The following SENP7 variants were observed in gnomAD, a reference collection of about 807,000 sequenced individuals.
SENP7 encodes SUMO specific peptidase 7.
SENP7 carries 64 observed loss-of-function variants against 141.2 expected under a neutral mutation model. That is an observed-to-expected ratio of 0.45 (90% CI 0.37 to 0.56). The LOEUF (loss-of-function observed/expected upper bound fraction) is 0.56, where lower values mean the gene tolerates loss of function less well. SENP7 is among the 20% of genes least tolerant of loss of function. The probability of loss-of-function intolerance (pLI) is 0.00; values close to 1 mark genes in which losing one functional copy is unlikely to be tolerated. For missense variants in SENP7, 1,025 were observed against 1,212.2 expected (o/e 0.85, Z 2.29); for synonymous variants, 382 against 426.4 (o/e 0.90, Z 1.28).
chr3:101,427,114 C>T (rs2061987184), intron 4 of SENP7, among the ~76,000 whole-genome samples: 1 of 152,080 alleles, frequency 6.6e-6, no homozygotes, highest in Non-Finnish European at 1.5e-5. Flanking sequence ...AAATCAAATC[C>T]ACCAGCATAC....
intron 3 of SENP7, among the ~76,000 whole-genome samples, chr3:101,484,289 C>T (rs2064630436): frequency 6.6e-6 from 1 of 152,172 alleles, no homozygotes; most frequent in Admixed American, 6.5e-5. Context: ...TTGAAAATGA[C>T]GTATCTGCTA....
chr3:101,449,518 C>A (rs2063036207), intron 4 of SENP7, among the ~76,000 whole-genome samples: 1 of 152,238 alleles, frequency 6.6e-6, no homozygotes, highest in African/African-American at 2.4e-5. Context: ...AACAGCTGAT[C>A]TCTTGGCAGA....
At chr3:101,354,987 T>A (rs1448060955) in intron 11 of SENP7, among the ~76,000 whole-genome samples, 1 of 152,140 alleles carries the variant, frequency 6.6e-6, no homozygotes, top group Non-Finnish European at 1.5e-5. Context: ...GATATTGAGC[T>A]TTTTTACCAT....
intron 3 of SENP7, among the ~76,000 whole-genome samples, chr3:101,468,469 T>A (rs1166605949): frequency 1.3e-5 from 2 of 152,046 alleles, no homozygotes; most frequent in African/African-American, 4.8e-5. Context: ...AAAGGTCGAG[T>A]TACTCACAAA....
chr3:101,367,170 T>C (rs1189942589), intron 8 of SENP7, among the ~76,000 whole-genome samples: 2 of 152,098 alleles, frequency 1.3e-5, no homozygotes, highest in East Asian at 1.9e-4. Context: ...TATAACAACA[T>C]TAAAAATTAT....
At chr3:101,423,869 C>T (rs2061864079) in intron 4 of SENP7, among the ~76,000 whole-genome samples, 1 of 152,072 alleles carries the variant, frequency 6.6e-6, no homozygotes, top group South Asian at 2.1e-4. Flanking sequence ...AGGAGGAGAC[C>T]CCTCAACCAC....
At chr3:101,506,180 C>G (rs1025992944) in intron 1 of SENP7, among the ~76,000 whole-genome samples, 5 of 152,100 alleles carry the variant, frequency 3.3e-5, no homozygotes, top group Non-Finnish European at 7.4e-5. Context: ...AGCACCATGC[C>G]TGGCTAATTT....
Position 101,341,919 on chromosome 3 carries a change from A to G in SENP7, c.2107-140T>C, listed in dbSNP as rs1300318539. Reference sequence around the variant, plus strand: ...CTATACTTTTAGATTTTCCATAGATATAACCAAACCAAAATAATACTGGTG... The same window carrying G: ...CTATACTTTTAGATTTTCCATAGATGTAACCAAACCAAAATAATACTGGTG... On this transcript the variant is annotated intron_variant, in intron 14 of 23. Coordinates refer to ENST00000394095, the MANE Select transcript of SENP7 (RefSeq NM_020654.5). 3.8e-6 allele frequency: 3 copies of G among 785,162 alleles called. No homozygotes were observed. In the East Asian group the frequency reaches 8.5e-5, roughly 22 times the overall value. The allele number at this position is 785,162 out of a possible 1,614,324, so 48.6% of individuals were successfully genotyped here. A position where few individuals can be genotyped will look rare whatever the true frequency, so the allele number is the denominator to read the frequency against.
At chr3:101,512,268 T>C (rs1253198728) in intron 1 of SENP7, among the ~76,000 whole-genome samples, 1 of 152,168 alleles carries the variant, frequency 6.6e-6, no homozygotes, top group South Asian at 2.1e-4. Flanking sequence ...CTACCATCCA[T>C]AGGACTTAAC....
intron 6 of SENP7, among the ~76,000 whole-genome samples, chr3:101,386,014 A>G (rs2060641627): frequency 6.6e-6 from 1 of 152,174 alleles, no homozygotes; most frequent in Non-Finnish European, 1.5e-5. Flanking sequence ...CTCTTAAAGA[A>G]CGTCAGTGAA....
intron 3 of SENP7, among the ~76,000 whole-genome samples, chr3:101,468,221 T>G (rs542189744): frequency 2.6e-5 from 4 of 152,120 alleles, no homozygotes; most frequent in Non-Finnish European, 5.9e-5. Flanking sequence ...AAAGACCAAA[T>G]CTACATTTGA....
chr3:101,389,797 G>A (rs2060759206), intron 6 of SENP7, among the ~76,000 whole-genome samples: 1 of 152,032 alleles, frequency 6.6e-6, no homozygotes, highest in Non-Finnish European at 1.5e-5. Flanking sequence ...AAACTGAAGT[G>A]ATAAATGATA....
chr3:101,498,015 T>C (rs1190856969), intron 2 of SENP7, among the ~76,000 whole-genome samples: 1 of 152,164 alleles, frequency 6.6e-6, no homozygotes. Flanking sequence ...CAGGCTGGCC[T>C]CAAATTCCTG....
At chr3:101,445,267 T>C (rs1339829308) in intron 4 of SENP7, among the ~76,000 whole-genome samples, 2 of 152,012 alleles carry the variant, frequency 1.3e-5, no homozygotes, top group Non-Finnish European at 2.9e-5. Flanking sequence ...ATAAATAAAG[T>C]CTTTCTCAGA....
chr3:101,484,581 G>A (rs561658952), intron 3 of SENP7, among the ~76,000 whole-genome samples: 193 of 152,304 alleles, frequency 1.3e-3, no homozygotes, highest in Non-Finnish European at 2.3e-3. Context: ...AGTGGGAAAG[G>A]GAGACCTCCC....
At chr3:101,344,026 T>C (rs2059392372) in intron 13 of SENP7, 72 bp from the exon 14 acceptor site, 1 of 1,014,422 alleles carries the variant, frequency 9.9e-7, no homozygotes, top group Admixed American at 3.0e-5. Flanking sequence ...GTAATTTAAT[T>C]ATTAATAATA....
intron 6 of SENP7, among the ~76,000 whole-genome samples, chr3:101,381,429 A>T (rs2060498638): frequency 6.6e-6 from 1 of 152,182 alleles, no homozygotes; most frequent in African/African-American, 2.4e-5. Context: ...TTTCATGATT[A>T]TAATCATTTA....
At chr3:101,353,354 C>T (rs1485321343) in intron 11 of SENP7, among the ~76,000 whole-genome samples, 1 of 151,958 alleles carries the variant, frequency 6.6e-6, no homozygotes, top group Non-Finnish European at 1.5e-5. Flanking sequence ...CCACCCACTA[C>T]TTACTACACT....
chr3:101,447,787 A>G (rs973501036), intron 4 of SENP7, among the ~76,000 whole-genome samples: 1 of 101,676 alleles, frequency 9.8e-6, no homozygotes, highest in Non-Finnish European at 2.6e-5. Context: ...AAAAATCTTG[A>G]AAAAAAAATA....
Sources: gnomAD v4.1 joint callset for allele counts (sites outside exome capture counted in the v4.1 genomes callset) on GRCh38, gnomAD v4.1.1 for gene constraint, MANE v1.5 for transcripts, NCBI Gene and HGNC (gene_info 2026-07-23, HGNC 2026-07-21) for gene names.